Variants in ZAN observed in about 807,000 individuals in gnomAD.
ZAN encodes zonadhesin (gene/pseudogene).
In ZAN, 260 loss-of-function variants were observed where a neutral mutation model predicts 286.2. That is an observed-to-expected ratio of 0.91 (90% CI 0.82 to 1.01). The LOEUF is 1.01. Among genes scored for constraint, ZAN ranks in the 50% least tolerant of loss-of-function variants. ZAN has a pLI of 0.00. For missense variants in ZAN, 3,410 were observed against 3,639.2 expected, an observed-to-expected ratio of 0.94 and a Z score of 1.62; for synonymous variants, 1,368 against 1,417.5, an observed-to-expected ratio of 0.97 and a Z score of 0.79.
chr7:100,751,375 C>A, intron 13 of ZAN, 109 bp downstream of exon 13: 2 of 768,458 alleles, frequency 2.6e-6, no homozygotes, highest in Non-Finnish European at 3.8e-6. Flanking sequence ...CGAATTCTCA[C>A]CCAGCTGGCT....
chr7:100,760,846 C>G (rs144817637), intron 19 of ZAN, among the ~76,000 whole-genome samples: 69 of 152,274 alleles, frequency 4.5e-4, no homozygotes, highest in African/African-American at 1.5e-3. Context: ...GTCCCATTCT[C>G]GAAGGAAGAG....
intron 20 of ZAN, 57 bp downstream of exon 20, chr7:100,762,415 C>CTT: frequency 9.5e-7 from 1 of 1,048,300 alleles, no homozygotes; most frequent in Non-Finnish European, 1.3e-6. Context: ...CTTCCTGGAA[C>CTT]TCTCTTTTTT....
Position 100,734,214 on chromosome 7 carries a change from CT to C in ZAN, c.50del (p.Phe17SerfsTer160), listed in dbSNP as rs35738907. On this transcript the variant is annotated frameshift_variant, in exon 2 of 48. Coordinates refer to ENST00000613979, the MANE Select transcript of ZAN (RefSeq NM_003386.3). LOFTEE classifies it high-confidence loss of function. ...TCTGCTGCTTCTGGTGGGGGCTGCC[CT>C]TTTCAGGTAAGCTGGGCCCAGGGGG... ...WTLLLLVGAA[L>X]FRKEKPPDQK... 6.9e-7 allele frequency: 1 copy of C among 1,451,552 alleles called. No homozygotes were observed. The highest frequency in any genetic ancestry group is 9.4e-7 in the Non-Finnish European group (1 of 1,068,928). 89.9% of individuals were successfully genotyped at this position (1,451,552 alleles called of 1,614,324 possible). A position where few individuals can be genotyped will look rare whatever the true frequency, so the allele number is the denominator to read the frequency against.
At chr7:100,765,022 A>G (rs1046456803) in intron 22 of ZAN, among the ~76,000 whole-genome samples, 3 of 152,128 alleles carry the variant, frequency 2.0e-5, no homozygotes, top group Non-Finnish European at 4.4e-5. Flanking sequence ...GGGCAGGCCT[A>G]TCCCCTGACT....
At chr7:100,738,984 T>C (rs1189008962) in intron 7 of ZAN, among the ~76,000 whole-genome samples, 2 of 48,712 alleles carry the variant, frequency 4.1e-5, no homozygotes, top group African/African-American at 1.3e-4. Context: ...CCTCTCCCTC[T>C]CCCTCTCCTT....
chr7:100,779,409 G>A (rs1164542780), intron 34 of ZAN, 37 bp from the exon 35 acceptor site: 4 of 1,562,724 alleles, frequency 2.6e-6, no homozygotes, highest in East Asian at 2.3e-5. Flanking sequence ...ATAGTAGGGG[G>A]ACGGCTGTCC....
rs1266959940 is a variant in ZAN, at chr7:100,763,714, G to A, written c.3987-92G>A. The A allele has an allele frequency of 6.0e-6, 8 of 1,336,034 alleles. No homozygotes were observed. Among genetic ancestry groups the A allele is most frequent in the East Asian group, 2.3e-5 (1 of 43,176 alleles). 82.8% of individuals were successfully genotyped at this position (1,336,034 alleles called of 1,614,324 possible). On this transcript the variant is annotated intron_variant, in intron 20 of 47. Coordinates refer to ENST00000613979, the MANE Select transcript of ZAN (RefSeq NM_003386.3). This position sits in a 1 kb window ranked among gnomAD's most constrained non-coding sequence, Gnocchi z 4.6. Reference sequence around the variant, plus strand: ...TTCCCAGCTGACAGGCTGGTTTGCCGGTCCCGGCCTGCCAGCCTTGCTGCC... The same window carrying A: ...TTCCCAGCTGACAGGCTGGTTTGCCAGTCCCGGCCTGCCAGCCTTGCTGCC...
rs1298042262 is a variant in ZAN, at chr7:100,751,947, G to A, written c.1842G>A (p.Met614Ile). ...KPTIPSEKPNMPSEKPTIPSE... is the reference protein window; with the variant it reads ...KPTIPSEKPNIPSEKPTIPSE... Reference sequence around the variant, plus strand: ...CCATTCCTTCAGAAAAACCCAACATGCCCTCAGAAAAACCCACCATTCCCT... The same window carrying A: ...CCATTCCTTCAGAAAAACCCAACATACCCTCAGAAAAACCCACCATTCCCT... Residue 614 changes from methionine (M) to isoleucine (I), a missense_variant, in exon 14 of 48, where the codon ATG (methionine) becomes ATA (isoleucine). Transcript: ENST00000613979. The A allele has an allele frequency of 1.3e-6, 2 of 1,551,902 alleles. No homozygotes were observed. The highest frequency in any genetic ancestry group is 1.6e-5 in the African/African-American group (1 of 63,690).
At chr7:100,744,782 T>C (rs927922069) in intron 7 of ZAN, among the ~76,000 whole-genome samples, 1 of 151,198 alleles carries the variant, frequency 6.6e-6, no homozygotes, top group African/African-American at 2.4e-5. Context: ...CCTTTCCTTT[T>C]CCATCTTGCT....
At position 100,735,734 on chromosome 7, in the gene ZAN, C is replaced by T. The variant is rs746189371; in HGVS notation, c.68C>T (p.Pro23Leu). 1.6e-5 allele frequency: 24 copies of T among 1,508,982 alleles called. 3 individuals carry two copies. Among genetic ancestry groups the T allele is most frequent in the Middle Eastern group, 1.7e-4 (1 of 5,950 alleles). 93.5% of individuals were successfully genotyped at this position (1,508,982 alleles called of 1,614,324 possible). The change falls in exon 3 of 48, where the codon CCG becomes CTG. Residue 23 changes from proline (P) to leucine (L), a missense_variant. Physicochemically the swap from Pro to Leu is moderately conservative, Grantham distance 98. Coordinates refer to ENST00000613979, the MANE Select transcript of ZAN (RefSeq NM_003386.3). The part of the protein sequence containing the change: ...GAALFRKEKP[P>L]DQKLVVRSSR... The stretch of plus-strand genomic sequence containing the variant: ...CGACCCCCAAGGAAAGAGAAGCCTC[C>T]GGACCAGAAGCTGGTTGTTCGCAGC...
chr7:100,753,030 A>G lies in ZAN; in HGVS notation c.2925A>G (p.Lys975=), dbSNP rs756546611. Residue 975 remains lysine (K), a synonymous_variant, in exon 14 of 48, where the codon AAA becomes AAG. Coordinates refer to ENST00000613979, the MANE Select transcript of ZAN (RefSeq NM_003386.3). ...STEKPTIPTE[K]LTIPTEKPTI... is the part of the protein sequence containing the mutation. ...AAAAACCCACCATCCCCACGGAAAAACTTACCATCCCCACGGAAAAACCCA... is the reference window on the plus strand; with the variant it reads ...AAAAACCCACCATCCCCACGGAAAAGCTTACCATCCCCACGGAAAAACCCA... 6.2e-7 allele frequency: 1 copy of G among 1,608,536 alleles called. No individual in the cohort carries two copies. Among genetic ancestry groups the G allele is most frequent in the Non-Finnish European group, 8.5e-7 (1 of 1,177,066 alleles).
chr7:100,773,206 T>C, intron 29 of ZAN, 79 bp from the exon 30 acceptor site: 1 of 1,502,876 alleles, frequency 6.7e-7, no homozygotes, highest in Non-Finnish European at 9.0e-7. Flanking sequence ...TCCTGGCCAC[T>C]ACTAGGAGCT....
At chr7:100,793,736 C>A in intron 42 of ZAN, 84 bp from the exon 43 acceptor site, 1 of 1,437,076 alleles carries the variant, frequency 7.0e-7, no homozygotes, top group Non-Finnish European at 9.4e-7. Flanking sequence ...CTGTGCCCAG[C>A]CTACTCTGAG....
intron 16 of ZAN, 63 bp downstream of exon 16, chr7:100,758,406 A>G: frequency 3.8e-6 from 6 of 1,593,610 alleles, no homozygotes; most frequent in Non-Finnish European, 5.1e-6. Context: ...TGACGCCAGG[A>G]TCCCAATCCC....
Position 100,766,643 on chromosome 7 carries a change from G to GT in ZAN, c.4590dup (p.Ile1531TyrfsTer17), listed in dbSNP as rs757932976. 1.2e-5 allele frequency: 19 copies of GT among 1,566,960 alleles called. No homozygotes were observed. In the East Asian group the frequency reaches 4.3e-4, roughly 35 times the overall value. On this transcript the variant is annotated frameshift_variant, in exon 24 of 48. Coordinates refer to ENST00000613979, the MANE Select transcript of ZAN (RefSeq NM_003386.3). LOFTEE classifies it high-confidence loss of function. ...CAGGAGTTCTGTGGCCAACAGGATG[G>GT]TATCTATGGCTGCCATGCCCAAGGT...
At position 100,746,591 on chromosome 7, in the gene ZAN, G is replaced by A; in HGVS notation, c.820G>A (p.Val274Ile). Residue 274 changes from valine (V) to isoleucine (I), a missense_variant, in exon 8 of 48, where the codon GTC (valine) becomes ATC (isoleucine). Physicochemically the swap from Val to Ile is conservative, Grantham distance 29. Coordinates refer to ENST00000613979, the MANE Select transcript of ZAN (RefSeq NM_003386.3). ...GAATGCAAGACCTGGGCAGAAAGCT[G>A]TCCTCCTGAGCCCCGTGAGCCTGTC... ...PKNARPGQKA[V>I]LLSPVSLSSG... 6.2e-7 allele frequency: 1 copy of A among 1,613,976 alleles called. No homozygotes were observed. The highest frequency in any genetic ancestry group is 1.1e-5 in the South Asian group (1 of 91,076).
rs376555548 is a variant in ZAN at position 100,779,564 on chromosome 7, C to T, written c.6436C>T (p.Arg2146Trp). 143 of 1,610,628 alleles carry T rather than the reference C, an allele frequency of 8.9e-5. 1 individual carries two copies. The highest frequency in any genetic ancestry group is 2.0e-4 in the South Asian group (18 of 90,378). Residue 2146 changes from arginine to tryptophan, a missense_variant, in exon 35 of 48, where the codon CGG becomes TGG. Transcript: ENST00000613979. ...GCGGGAAAAGTGCGAGGCAGCGCTC[C>T]GGGCTCCTGTGTGGGCCCAGTGCGC... ...RAREKCEAAL[R>W]APVWAQCASR...
intron 17 of ZAN, 95 bp from the exon 18 acceptor site, chr7:100,759,623 GCGC>G: frequency 7.1e-7 from 1 of 1,415,366 alleles, no homozygotes; most frequent in Non-Finnish European, 9.3e-7. Context: ...TGTCTCGGTG[GCGC>G]TCATCTCTCC....
rs1000490486 is a variant in ZAN, at chr7:100,737,425, G to C, written c.613+76G>C. On this transcript the variant is annotated intron_variant, in intron 6 of 47. Coordinates refer to ENST00000613979, the MANE Select transcript of ZAN (RefSeq NM_003386.3). ...CCTTGCACAACAAGAAGAGGATCCA[G>C]GGCGGGCGCGGTGGCTCATGCCTGT... The C allele has an allele frequency of 3.6e-6, 4 of 1,101,814 alleles. 1 individual carries two copies. The highest frequency in any genetic ancestry group is 5.1e-6 in the Non-Finnish European group (4 of 784,722). The allele number at this position is 1,101,814 out of a possible 1,614,324, so 68.3% of individuals were successfully genotyped here.
Sources: gnomAD v4.1 joint callset for allele counts (sites outside exome capture counted in the v4.1 genomes callset) on GRCh38, gnomAD v4.1.1 for gene constraint, Gnocchi (gnomAD v3.1) non-coding constraint, MANE v1.5 for transcripts, NCBI Gene and HGNC (gene_info 2026-07-23, HGNC 2026-07-21) for gene names.